Variants in LEF1 observed in about 807,000 individuals in gnomAD.
LEF1 encodes the protein lymphoid enhancer-binding factor 1.
Under a neutral mutation model 51.2 loss-of-function variants are expected in LEF1, and 14 were observed. That is an observed-to-expected ratio of 0.27 (90% CI 0.18 to 0.43). The LOEUF is 0.43. LEF1 is among the 20% of genes least tolerant of loss of function. LEF1 has a pLI of 1.00. For synonymous variants in LEF1, 185 were observed against 183.2 expected (o/e 1.01, Z -0.08); for missense variants, 386 against 512.0 (o/e 0.75, Z 2.37).
chr4:108,062,604 C>T (rs904155105), intron 11 of LEF1, among the ~76,000 whole-genome samples: 1 of 152,080 alleles, frequency 6.6e-6, no homozygotes, highest in Admixed American at 6.5e-5. Context: ...GTTTCCAGGT[C>T]GGGAAGTGAT....
intron 3 of LEF1, among the ~76,000 whole-genome samples, chr4:108,118,616 T>A (rs1289392031): frequency 6.6e-6 from 1 of 152,242 alleles, no homozygotes; most frequent in Non-Finnish European, 1.5e-5. Context: ...TTCTCTTAGA[T>A]GATTGTCAGG....
intron 3 of LEF1, among the ~76,000 whole-genome samples, chr4:108,092,767 GTATT>G (rs1452021697): frequency 6.6e-6 from 1 of 151,930 alleles, no homozygotes; most frequent in African/African-American, 2.4e-5. Context: ...GCATATGTGT[GTATT>G]TATTAAGCAC....
At chr4:108,081,136 T>C (rs1322858067) in intron 6 of LEF1, among the ~76,000 whole-genome samples, 1 of 152,204 alleles carries the variant, frequency 6.6e-6, no homozygotes, top group East Asian at 1.9e-4. Flanking sequence ...CTCTAGACTA[T>C]CTGGGCATTT....
intron 9 of LEF1, among the ~76,000 whole-genome samples, chr4:108,064,682 CACACACACACA>C (rs1372160473): frequency 1.5e-5 from 2 of 134,812 alleles, no homozygotes; most frequent in Admixed American, 8.5e-5. Flanking sequence ...CACACACACA[CACACACACACA>C]ATGATGTCTT....
chr4:108,156,655 A>T (rs1008645600), intron 3 of LEF1, among the ~76,000 whole-genome samples: 1 of 152,216 alleles, frequency 6.6e-6, no homozygotes, highest in African/African-American at 2.4e-5. Context: ...TCCCCCAGTT[A>T]CTTTATGATG....
intron 3 of LEF1, among the ~76,000 whole-genome samples, chr4:108,102,308 C>A (rs1740880764): frequency 6.6e-6 from 1 of 152,112 alleles, no homozygotes; most frequent in African/African-American, 2.4e-5. Flanking sequence ...TATTACTAAC[C>A]TGATTTCTTC....
At chr4:108,105,628 T>A (rs1368598453) in intron 3 of LEF1, among the ~76,000 whole-genome samples, 1 of 152,226 alleles carries the variant, frequency 6.6e-6, no homozygotes, top group African/African-American at 2.4e-5. Flanking sequence ...TAATAATGTT[T>A]CAAATCATGA....
intron 3 of LEF1, among the ~76,000 whole-genome samples, chr4:108,105,636 T>G (rs1167940510): frequency 6.6e-6 from 1 of 152,218 alleles, no homozygotes; most frequent in Non-Finnish European, 1.5e-5. Flanking sequence ...TTTCAAATCA[T>G]GAGTTGTACA....
intron 3 of LEF1, among the ~76,000 whole-genome samples, chr4:108,100,393 T>G (rs899670073): frequency 6.6e-6 from 1 of 152,148 alleles, no homozygotes; most frequent in South Asian, 2.1e-4. Context: ...TGGAAAACTG[T>G]AGTAGCAAAG....
intron 3 of LEF1, among the ~76,000 whole-genome samples, chr4:108,146,470 AAG>A (rs1474494445): frequency 6.6e-6 from 1 of 152,230 alleles, no homozygotes; most frequent in Non-Finnish European, 1.5e-5. Flanking sequence ...AGGCAAAAAG[AAG>A]TATTGAGTCA....
At chr4:108,152,708 C>T (rs60832905) in intron 3 of LEF1, among the ~76,000 whole-genome samples, 6,250 of 152,258 alleles carry the variant, frequency 0.041, 418 homozygotes, top group African/African-American at 0.14. Context: ...TTGTTAAAAG[C>T]GCATCTACAT....
rs184798869 is a variant in LEF1 at position 108,058,384 on chromosome 4, C to T, written c.*6+5239G>A. On this transcript the variant is annotated intron_variant, in intron 11 of 11. Coordinates refer to ENST00000265165, the MANE Select transcript of LEF1 (RefSeq NM_016269.5). The stretch of plus-strand genomic sequence containing the variant: ...AACTCAGAGTCATAATTCTCTCCAG[C>T]ACTTCAAACATTATAATTCTTTACT... Among the ~76,000 whole-genome samples the T allele has an allele frequency of 3.2e-3, 481 of 152,208 alleles. 5 individuals are homozygous for T. Among genetic ancestry groups the T allele is most frequent in the Middle Eastern group, 0.01 (3 of 294 alleles).
chr4:108,121,984 G>A lies in LEF1; in HGVS notation c.415-32727C>T, dbSNP rs536695992. 3.3e-5 allele frequency among the ~76,000 whole-genome samples: 5 copies of A among 152,216 alleles called. No individual in the cohort carries two copies. In the South Asian group the frequency reaches 1.0e-3, roughly 32 times the overall value. On this transcript the variant is annotated intron_variant, in intron 3 of 11. Coordinates refer to ENST00000265165, the MANE Select transcript of LEF1 (RefSeq NM_016269.5). ...TTTCCTTCTAAATTAATGGTTTTCT[G>A]AGCAGAGAATATGGTCTGTGTCACA...
rs1299152890 is a variant in LEF1, at chr4:108,167,565, T to C, written c.203A>G (p.Asn68Ser). ...VNESEIIPAS[N>S]GHEVARQAQT... ...CAGCGGCCCGCTCACCTCGTGTCCG[T>C]TGCTGGCCGGGATGATTTCAGACTC... The change falls in exon 1 of 12, where the codon AAC (asparagine) becomes AGC (serine). Residue 68 changes from asparagine (N) to serine (S), a missense_variant. Asn to Ser is a conservative substitution (Grantham distance 46). Transcript: ENST00000265165. This position sits in a 1 kb window ranked among gnomAD's most constrained non-coding sequence, Gnocchi z 5.7. 1 of 1,613,992 alleles carries C rather than the reference T, an allele frequency of 6.2e-7. No individual in the cohort carries two copies. Among genetic ancestry groups the C allele is most frequent in the Admixed American group, 1.7e-5 (1 of 60,004 alleles).
Position 108,048,640 on chromosome 4 carries a change from G to T in LEF1, c.*118C>A. On this transcript the variant is annotated 3_prime_UTR_variant, in exon 12 of 12. Coordinates refer to ENST00000265165, the MANE Select transcript of LEF1 (RefSeq NM_016269.5). ...TTGATGTCAGTGTTCCTTTGGGGTC[G>T]ACTGGGCAGGCCGTGGAGACAGTCT... 6.8e-7 allele frequency: 1 copy of T among 1,462,710 alleles called. No individual in the cohort carries two copies. The highest frequency in any genetic ancestry group is 1.4e-5 in the South Asian group (1 of 73,952). The allele number at this position is 1,462,710 out of a possible 1,614,324, so 90.6% of individuals were successfully genotyped here.
chr4:108,081,586 C>G lies in LEF1; in HGVS notation c.722G>C (p.Arg241Thr). ...CGCCCCAGTTTCCACCTCCACCTAC[C>G]TGGACATGGAAGTGTCGACTGACAG... is the stretch of plus-strand genomic sequence containing the variant. ...SSLSVDTSMS[R>T]FSHHMIPGPP... Residue 241 changes from arginine to threonine, a missense_variant and splice_region_variant, in exon 6 of 12, where the codon AGG becomes ACG. This residue lies in a region of LEF1 where 335 missense variants were observed against 390.7 expected (regional missense o/e 0.86). Coordinates refer to ENST00000265165, the MANE Select transcript of LEF1 (RefSeq NM_016269.5). 4 of 1,613,294 alleles carry G rather than the reference C, an allele frequency of 2.5e-6. No individual in the cohort carries two copies. The highest frequency in any genetic ancestry group is 3.4e-6 in the Non-Finnish European group (4 of 1,179,316).
intron 3 of LEF1, among the ~76,000 whole-genome samples, chr4:108,145,169 A>T (rs1186349085): frequency 6.6e-6 from 1 of 152,220 alleles, no homozygotes. Flanking sequence ...TATTTAACAT[A>T]CAAATTGCCA....
At chr4:108,102,679 T>C (rs1740906424) in intron 3 of LEF1, among the ~76,000 whole-genome samples, 1 of 152,106 alleles carries the variant, frequency 6.6e-6, no homozygotes, top group South Asian at 2.1e-4. Flanking sequence ...AGAGCTAGGG[T>C]CTTACATACA....
chr4:108,127,976 T>A (rs1030034003), intron 3 of LEF1, among the ~76,000 whole-genome samples: 3 of 152,104 alleles, frequency 2.0e-5, no homozygotes, highest in African/African-American at 7.2e-5. Context: ...CTTCCTTAAC[T>A]CTCCAACCAC....
Sources: gnomAD v4.1 joint callset for allele counts (sites outside exome capture counted in the v4.1 genomes callset) on GRCh38, gnomAD v4.1.1 for gene constraint, gnomAD v4.1.1 regional missense constraint, Gnocchi (gnomAD v3.1) non-coding constraint, MANE v1.5 for transcripts, NCBI Gene and HGNC (gene_info 2026-07-23, HGNC 2026-07-21) for gene names.